DDX43: variants seen among roughly 807,000 people sequenced by gnomAD.
DDX43 encodes probable ATP-dependent RNA helicase DDX43.
A neutral mutation model predicts 84.9 loss-of-function variants in DDX43; 50 were observed. The observed-to-expected ratio is 0.59, with a 90% CI of 0.47 to 0.75. The LOEUF is 0.75. Among genes scored for constraint, DDX43 ranks in the 30% least tolerant of loss-of-function variants. The pLI, the probability that DDX43 is intolerant of heterozygous loss-of-function variation, is 0.00. For synonymous variants in DDX43, 291 were observed against 266.3 expected (o/e 1.09, Z -0.90); for missense variants, 689 against 798.6 (o/e 0.86, Z 1.65).
chr6:73,415,705 C>CT, intron 15 of DDX43, 121 bp downstream of exon 15: 1 of 655,658 alleles, frequency 1.5e-6, no homozygotes, highest in South Asian at 2.2e-5. Context: ...GTTTTGAGGG[C>CT]TTTAGCATGG....
chr6:73,407,585 G>T lies in DDX43; in HGVS notation c.1007G>T (p.Cys336Phe). ...TTAGCACTTCAAGTAGAAGGAGAAT[G>T]TTGCAAATATTCATATAAAGGGCTT... is the stretch of plus-strand genomic sequence containing the variant. Reference protein sequence around the residue: ...RELALQVEGECCKYSYKGLRS... With the variant: ...RELALQVEGEFCKYSYKGLRS... Residue 336 changes from cysteine (C) to phenylalanine (F), a missense_variant, in exon 8 of 17, where the codon TGT (cysteine) becomes TTT (phenylalanine). Around this residue, in one of 2 missense-constraint regions of DDX43, gnomAD observed 552 missense variants for 692.7 expected, o/e 0.80. Transcript: ENST00000370336. 1.2e-6 allele frequency: 2 copies of T among 1,613,450 alleles called. No individual in the cohort carries two copies. The highest frequency in any genetic ancestry group is 1.7e-6 in the Non-Finnish European group (2 of 1,179,412).
intron 7 of DDX43, among the ~76,000 whole-genome samples, 168 bp downstream of exon 7, chr6:73,406,650 G>A (rs929535944): frequency 6.6e-6 from 1 of 152,184 alleles, no homozygotes; most frequent in Non-Finnish European, 1.5e-5. Context: ...GTATAAACTG[G>A]CAAAACATTT....
At chr6:73,407,851 A>T in intron 8 of DDX43, 109 bp from the exon 9 acceptor site, 1 of 1,073,278 alleles carries the variant, frequency 9.3e-7, no homozygotes, top group African/African-American at 1.6e-5. Flanking sequence ...AAAGGGGCAG[A>T]TACCCCTAAA....
intron 10 of DDX43, among the ~76,000 whole-genome samples, chr6:73,409,802 G>A (rs1769751675): frequency 6.6e-6 from 1 of 152,146 alleles, no homozygotes; most frequent in South Asian, 2.1e-4. Flanking sequence ...AGGCCGAGGT[G>A]GGTGGATCAC....
chr6:73,403,177 A>C (rs1769609944), intron 4 of DDX43, among the ~76,000 whole-genome samples: 1 of 152,140 alleles, frequency 6.6e-6, no homozygotes, highest in Non-Finnish European at 1.5e-5. Context: ...GCTTTTAAGA[A>C]ATGTAGTTAG....
At chr6:73,415,667 C>A in intron 15 of DDX43, 83 bp downstream of exon 15, 4 of 963,840 alleles carry the variant, frequency 4.2e-6, no homozygotes, top group South Asian at 1.6e-5. Context: ...TGCTATTTAT[C>A]AGGAAGCTTC....
At chr6:73,416,299 C>T (rs1769898690) in intron 16 of DDX43, 48 bp downstream of exon 16, 1 of 746,322 alleles carries the variant, frequency 1.3e-6, no homozygotes, top group South Asian at 1.6e-5. Context: ...CTTACTTAAA[C>T]TAGGCTTTGT....
chr6:73,396,803 A>G (rs377451967), intron 1 of DDX43, among the ~76,000 whole-genome samples: 191 of 152,286 alleles, frequency 1.3e-3, no homozygotes, highest in African/African-American at 4.3e-3. Context: ...TAATCCATAT[A>G]AGTAGAATCA....
rs930806 is a variant in DDX43 at position 73,394,845 on chromosome 6, T to G, written c.-61T>G. On this transcript the variant is annotated 5_prime_UTR_variant, in exon 1 of 17. Transcript: ENST00000370336. ...TCCCTGGCACGCTACTCTTACGACG[T>G]CACGGTCAGGTGGTGCAGAGCTGGA... is the stretch of plus-strand genomic sequence containing the variant. The G allele has an allele frequency of 0.018, 28,839 of 1,582,528 alleles. 2,321 individuals are homozygous for G. In the Admixed American group the frequency reaches 0.2, roughly 11 times the overall value.
intron 2 of DDX43, among the ~76,000 whole-genome samples, chr6:73,399,454 T>C (rs1297762663): frequency 6.6e-6 from 1 of 152,136 alleles, no homozygotes; most frequent in Non-Finnish European, 1.5e-5. Flanking sequence ...TCCTCATAAA[T>C]AATTCCTTCT....
In DDX43 at chr6:73,412,370, T is replaced by G. The variant is rs543778319; in HGVS notation, c.1368+78T>G. 12 of 1,139,796 alleles carry G rather than the reference T, an allele frequency of 1.1e-5. No homozygotes were observed. The African/African-American group carries it at 1.6e-4, about 15-fold the overall frequency. The allele number at this position is 1,139,796 out of a possible 1,614,324, so 70.6% of individuals were successfully genotyped here. A position where few individuals can be genotyped will look rare whatever the true frequency, so the allele number is the denominator to read the frequency against. On this transcript the variant is annotated intron_variant, in intron 11 of 16. Transcript: ENST00000370336. ...ATAGCTAATTTTGGTGTGCCTAGTC[T>G]GCCCACTCCCCAATTTTAGGGCAAA...
At chr6:73,416,365 G>A (rs1769899729) in intron 16 of DDX43, 114 bp downstream of exon 16, 2 of 558,830 alleles carry the variant, frequency 3.6e-6, no homozygotes, top group Non-Finnish European at 6.5e-6. Flanking sequence ...AATAAACTAG[G>A]TGTTACTCAT....
chr6:73,407,892 A>G lies in DDX43; in HGVS notation c.1038-68A>G, dbSNP rs529079464. The G allele has an allele frequency of 1.7e-4, 258 of 1,475,296 alleles. No homozygotes were observed. The African/African-American group carries it at 3.3e-3, about 19-fold the overall frequency. 91.4% of individuals were successfully genotyped at this position (1,475,296 alleles called of 1,614,324 possible). On this transcript the variant is annotated intron_variant, in intron 8 of 16. Transcript: ENST00000370336. ...CTGATAATTGATTTTTATCCCTTTT[A>G]TTGGATTTTAAGTTGTGATGAGATA...
Position 73,406,456 on chromosome 6 carries a change from A to G in DDX43, c.900A>G (p.Gly300=). ...AGACATTGTGTTATTTAATGCCTGGATTTATTCATCTGGTCCTTCAACCCA... is the reference window on the plus strand; with the variant it reads ...AGACATTGTGTTATTTAATGCCTGGGTTTATTCATCTGGTCCTTCAACCCA... The part of the protein sequence containing the change: ...TGKTLCYLMP[G]FIHLVLQPSL... Residue 300 remains glycine, a synonymous_variant, in exon 7 of 17, where the codon GGA becomes GGG. Coordinates refer to ENST00000370336, the MANE Select transcript of DDX43 (RefSeq NM_018665.3). 6.2e-7 allele frequency: 1 copy of G among 1,612,426 alleles called. No homozygotes were observed. The highest frequency in any genetic ancestry group is 8.5e-7 in the Non-Finnish European group (1 of 1,178,608).
At chr6:73,410,803 A>G (rs1403145150) in intron 10 of DDX43, among the ~76,000 whole-genome samples, 2 of 152,042 alleles carry the variant, frequency 1.3e-5, no homozygotes, top group Non-Finnish European at 2.9e-5. Flanking sequence ...CATGTTGCCC[A>G]TGCTAGTCTT....
Position 73,416,197 on chromosome 6 carries a change from C to T in DDX43, c.1918C>T (p.Pro640Ser). The change falls in exon 16 of 17, where the codon CCT becomes TCT. Residue 640 changes from proline (P) to serine (S), a missense_variant. This residue lies in a region of DDX43 where 552 missense variants were observed against 692.7 expected (regional missense o/e 0.80). Coordinates refer to ENST00000370336, the MANE Select transcript of DDX43 (RefSeq NM_018665.3). ...GGAAATGGAAAGAAAAATGGAAAGA[C>T]CTCAAGGAAGGCCCAAGAAGTTTCA... is the stretch of plus-strand genomic sequence containing the variant. The part of the protein sequence containing the change: ...KREMERKMER[P>S]QGRPKKFH 6.3e-6 allele frequency: 10 copies of T among 1,596,596 alleles called. No individual in the cohort carries two copies. The highest frequency in any genetic ancestry group is 8.6e-6 in the Non-Finnish European group (10 of 1,164,038).
chr6:73,416,754 A>G (rs1194246893), intron 16 of DDX43, among the ~76,000 whole-genome samples: 1 of 152,190 alleles, frequency 6.6e-6, no homozygotes, highest in Non-Finnish European at 1.5e-5. Context: ...AAAGTTTTGG[A>G]GGCCATACAC....
chr6:73,405,556 C>T lies in DDX43; in HGVS notation c.651-123C>T, dbSNP rs1769660345. 3.4e-6 allele frequency: 3 copies of T among 890,116 alleles called. No homozygotes were observed. In the East Asian group the frequency reaches 7.9e-5, roughly 23 times the overall value. 55.1% of individuals were successfully genotyped at this position (890,116 alleles called of 1,614,324 possible). ...TCTTTATGCATTTCATTATAACTTCCCTGACAGTCTCATTTTAATCAGTTG... is the reference window on the plus strand; with the variant it reads ...TCTTTATGCATTTCATTATAACTTCTCTGACAGTCTCATTTTAATCAGTTG... On this transcript the variant is annotated intron_variant, in intron 5 of 16. Coordinates refer to ENST00000370336, the MANE Select transcript of DDX43 (RefSeq NM_018665.3).
At position 73,397,867 on chromosome 6, in the gene DDX43, A is replaced by T. The variant is rs1427950193; in HGVS notation, c.306+123A>T. ...TCCCAGGCTGGAGTGCAGTGACGTG[A>T]TATCAGTACAACCTCTGCCTCCTGG... On this transcript the variant is annotated intron_variant, in intron 2 of 16. Coordinates refer to ENST00000370336, the MANE Select transcript of DDX43 (RefSeq NM_018665.3). The T allele has an allele frequency of 9.8e-6, 8 of 812,816 alleles. No individual in the cohort carries two copies. The African/African-American group carries it at 1.2e-4, about 12-fold the overall frequency. The allele number at this position is 812,816 out of a possible 1,614,324, so 50.4% of individuals were successfully genotyped here.
Sources: allele counts gnomAD v4.1 joint callset (sites outside exome capture counted in the v4.1 genomes callset), GRCh38; gene constraint gnomAD v4.1.1; regional missense constraint gnomAD v4.1.1; transcripts MANE v1.5; gene names NCBI Gene and HGNC (gene_info 2026-07-23, HGNC 2026-07-21).